VAV2: variants seen among roughly 807,000 people sequenced by gnomAD.
VAV2 encodes vav guanine nucleotide exchange factor 2.
Under a neutral mutation model 132.5 loss-of-function variants are expected in VAV2, and 67 were observed. The observed-to-expected ratio is 0.51, with a 90% CI of 0.42 to 0.62. The LOEUF (loss-of-function observed/expected upper bound fraction) is 0.62, where lower values mean the gene tolerates loss of function less well. Among genes scored for constraint, VAV2 ranks in the 20% least tolerant of loss-of-function variants. The pLI is 0.00. For missense variants in VAV2, 938 were observed against 1,153.6 expected, an observed-to-expected ratio of 0.81 and a Z score of 2.71; for synonymous variants, 492 against 443.5, an observed-to-expected ratio of 1.11 and a Z score of -1.37.
At chr9:133,915,125 T>C (rs1239939042) in intron 2 of VAV2, among the ~76,000 whole-genome samples, 1 of 152,108 alleles carries the variant, frequency 6.6e-6, no homozygotes, top group East Asian at 1.9e-4. Flanking sequence ...TGTCCCCTTT[T>C]CCTGGCTCAG....
intron 26 of VAV2, among the ~76,000 whole-genome samples, chr9:133,771,540 C>G (rs906346499): frequency 6.6e-6 from 1 of 152,210 alleles, no homozygotes; most frequent in African/African-American, 2.4e-5. Flanking sequence ...TGCATTCTGG[C>G]TGGGACAGAG....
At chr9:133,868,121 A>C (rs1400178590) in intron 2 of VAV2, among the ~76,000 whole-genome samples, 91 of 152,324 alleles carry the variant, frequency 6.0e-4, no homozygotes, top group Non-Finnish European at 2.9e-5. Flanking sequence ...CATCTTGAGG[A>C]AACTTCCCAA....
Position 133,802,197 on chromosome 9 carries a change from G to C in VAV2, c.836+3884C>G, listed in dbSNP as rs909711311. ...CAGTTAAGGAGGCAAAAGTTTACAGGCCTTAATTCTAACCACATTTACTAC... is the reference window on the plus strand; with the variant it reads ...CAGTTAAGGAGGCAAAAGTTTACAGCCCTTAATTCTAACCACATTTACTAC... On this transcript the variant is annotated intron_variant, in intron 9 of 29. Transcript: ENST00000371850. This position sits in a 1 kb window ranked among gnomAD's most constrained non-coding sequence, Gnocchi z 5.8. Among the ~76,000 whole-genome samples, 1 of 152,072 alleles carries C rather than the reference G, an allele frequency of 6.6e-6. No homozygotes were observed. The highest frequency in any genetic ancestry group is 1.5e-5 in the Non-Finnish European group (1 of 68,024).
At chr9:133,910,147 A>G (rs1564457556) in intron 2 of VAV2, among the ~76,000 whole-genome samples, 1 of 152,172 alleles carries the variant, frequency 6.6e-6, no homozygotes, top group Non-Finnish European at 1.5e-5. Context: ...TGAAGAAGTG[A>G]TGGCTGGAGC....
At position 133,884,808 on chromosome 9, in the gene VAV2, G is replaced by A. The variant is rs1322040065; in HGVS notation, c.322-23376C>T. ...GGTAGGGAGCAGAACCAAACACCCA[G>A]GGAAGGAAGCACCACTGGGCAGGCA... is the stretch of plus-strand genomic sequence containing the variant. On this transcript the variant is annotated intron_variant, in intron 2 of 29. Transcript: ENST00000371850. This position sits in a 1 kb window ranked among gnomAD's most constrained non-coding sequence, Gnocchi z 5.3. 6.6e-6 allele frequency among the ~76,000 whole-genome samples: 1 copy of A among 152,162 alleles called. No homozygotes were observed. Among genetic ancestry groups the A allele is most frequent in the Admixed American group, 6.5e-5 (1 of 15,270 alleles).
chr9:133,783,115 A>C (rs1226816549), intron 19 of VAV2, among the ~76,000 whole-genome samples: 1 of 152,036 alleles, frequency 6.6e-6, no homozygotes, highest in Non-Finnish European at 1.5e-5. Context: ...GCCAGGCCTC[A>C]CCCGCCGGGA....
chr9:133,933,916 GGAT>G (rs1372618462), intron 2 of VAV2, among the ~76,000 whole-genome samples: 11 of 58,604 alleles, frequency 1.9e-4, no homozygotes, highest in African/African-American at 4.0e-4. Context: ...ATGGATGGAT[GGAT>G]GATGGGTGAA....
At position 133,961,650 on chromosome 9, in the gene VAV2, C is replaced by T. The variant is rs534485872; in HGVS notation, c.205-22431G>A. On this transcript the variant is annotated intron_variant, in intron 1 of 29. Coordinates refer to ENST00000371850, the MANE Select transcript of VAV2 (RefSeq NM_001134398.2). The surrounding 1 kb of genome is among the most constrained non-coding windows in gnomAD (Gnocchi z 4.1). ...CCCAGGTGCTCCAGTCCCCAGAGCACGCATAAGCCTCAGCCAGTTTTACTT... is the reference window on the plus strand; with the variant it reads ...CCCAGGTGCTCCAGTCCCCAGAGCATGCATAAGCCTCAGCCAGTTTTACTT... Among the ~76,000 whole-genome samples, 7 of 152,326 alleles carry T rather than the reference C, an allele frequency of 4.6e-5. No homozygotes were observed. The highest frequency in any genetic ancestry group is 3.9e-4 in the East Asian group (2 of 5,186).
Position 133,879,102 on chromosome 9 carries a change from C to T in VAV2, c.322-17670G>A, listed in dbSNP as rs1248823803. 6.6e-6 allele frequency among the ~76,000 whole-genome samples: 1 copy of T among 152,188 alleles called. No homozygotes were observed. Among genetic ancestry groups the T allele is most frequent in the East Asian group, 1.9e-4 (1 of 5,182 alleles). Reference sequence around the variant, plus strand: ...ACATAGTCTTCCAGAGGGGACCGGGCCGGGCTTGTGCTGCTGAACCTGGCT... The same window carrying T: ...ACATAGTCTTCCAGAGGGGACCGGGTCGGGCTTGTGCTGCTGAACCTGGCT... On this transcript the variant is annotated intron_variant, in intron 2 of 29. Coordinates refer to ENST00000371850, the MANE Select transcript of VAV2 (RefSeq NM_001134398.2). This position sits in a 1 kb window ranked among gnomAD's most constrained non-coding sequence, Gnocchi z 4.4.
intron 1 of VAV2, among the ~76,000 whole-genome samples, chr9:133,981,554 G>A (rs563427239): frequency 1.3e-5 from 2 of 152,242 alleles, no homozygotes; most frequent in Non-Finnish European, 2.9e-5. Flanking sequence ...CGAGTCCTGA[G>A]GCTCAGTGGG....
At chr9:133,980,821 A>G (rs995648607) in intron 1 of VAV2, among the ~76,000 whole-genome samples, 1 of 152,096 alleles carries the variant, frequency 6.6e-6, no homozygotes, top group Non-Finnish European at 1.5e-5. Flanking sequence ...CCTTCCAGCA[A>G]TGATCCAGGA....
intron 2 of VAV2, among the ~76,000 whole-genome samples, chr9:133,913,246 C>A (rs934843240): frequency 6.6e-6 from 1 of 152,196 alleles, no homozygotes; most frequent in Non-Finnish European, 1.5e-5. Context: ...ATAGCTGGCG[C>A]CACGGCCCCC....
rs1028571469 is a variant in VAV2, at chr9:133,840,375, C to T, written c.381-6035G>A. ...TTGGGCAGCAGCCCCTCCTCCCAAACGACCCATCCAATCCCACTCCCCAAG... is the reference window on the plus strand; with the variant it reads ...TTGGGCAGCAGCCCCTCCTCCCAAATGACCCATCCAATCCCACTCCCCAAG... On this transcript the variant is annotated intron_variant, in intron 3 of 29. Transcript: ENST00000371850. This position sits in a 1 kb window ranked among gnomAD's most constrained non-coding sequence, Gnocchi z 4.5. Among the ~76,000 whole-genome samples, 7 of 152,134 alleles carry T rather than the reference C, an allele frequency of 4.6e-5. No individual in the cohort carries two copies. The highest frequency in any genetic ancestry group is 2.1e-4 in the South Asian group (1 of 4,824).
intron 2 of VAV2, among the ~76,000 whole-genome samples, chr9:133,882,280 G>A (rs2131942131): frequency 6.6e-6 from 1 of 152,378 alleles, no homozygotes; most frequent in African/African-American, 2.4e-5. Flanking sequence ...GCCGCCAAGG[G>A]CACAGACCCT....
intron 2 of VAV2, among the ~76,000 whole-genome samples, chr9:133,890,361 T>A (rs2131968893): frequency 6.6e-6 from 1 of 152,314 alleles, no homozygotes; most frequent in South Asian, 2.1e-4. Flanking sequence ...GAATCGTGGC[T>A]GTGAGTCCAG....
At chr9:133,862,279 G>C (rs1216749775) in intron 2 of VAV2, among the ~76,000 whole-genome samples, 1 of 152,252 alleles carries the variant, frequency 6.6e-6, no homozygotes, top group Non-Finnish European at 1.5e-5. Flanking sequence ...GACAGAGCAA[G>C]AGGCTCTGCA....
At chr9:133,787,428 A>G (rs936461376) in intron 15 of VAV2, among the ~76,000 whole-genome samples, 168 bp from the exon 16 acceptor site, 1 of 152,208 alleles carries the variant, frequency 6.6e-6, no homozygotes, top group African/African-American at 2.4e-5. Flanking sequence ...ATTTCTTCCC[A>G]GAGTGTTGGG....
At chr9:133,933,945 ATGGATGG>A (rs1293790695) in intron 2 of VAV2, among the ~76,000 whole-genome samples, 4 of 125,416 alleles carry the variant, frequency 3.2e-5, no homozygotes, top group Non-Finnish European at 6.3e-5. Context: ...GGATGGATGG[ATGGATGG>A]TGGATGGATG....
chr9:133,856,605 G>A (rs1837394347), intron 3 of VAV2, among the ~76,000 whole-genome samples: 1 of 152,190 alleles, frequency 6.6e-6, no homozygotes, highest in Non-Finnish European at 1.5e-5. Context: ...CCAGAGAGTT[G>A]GAGAGTTGGT....
Sources: gnomAD v4.1 joint callset for allele counts (sites outside exome capture counted in the v4.1 genomes callset) on GRCh38, gnomAD v4.1.1 for gene constraint, Gnocchi (gnomAD v3.1) non-coding constraint, MANE v1.5 for transcripts, NCBI Gene and HGNC (gene_info 2026-07-23, HGNC 2026-07-21) for gene names.